DTL: variants seen among roughly 807,000 people sequenced by gnomAD.
The protein encoded by DTL is denticleless E3 ubiquitin protein ligase adapter, also known as denticleless protein homolog.
Under a neutral mutation model 87.0 loss-of-function variants are expected in DTL, and 46 were observed. The observed-to-expected ratio is 0.53, with a 90% CI of 0.42 to 0.68. DTL has a LOEUF of 0.68. Among genes scored for constraint, DTL ranks in the 30% least tolerant of loss-of-function variants. DTL has a pLI of 0.00. For synonymous variants in DTL, 308 were observed against 311.2 expected (o/e 0.99, Z 0.11); for missense variants, 737 against 869.4 (o/e 0.85, Z 1.91).
intron 11 of DTL, among the ~76,000 whole-genome samples, chr1:212,077,084 C>A (rs1018334840): frequency 6.6e-6 from 1 of 152,122 alleles, no homozygotes; most frequent in African/African-American, 2.4e-5. Context: ...GTCATTCTCA[C>A]AAATAATCAT....
chr1:212,098,549 G>A (rs763810974), intron 13 of DTL, among the ~76,000 whole-genome samples: 2 of 152,130 alleles, frequency 1.3e-5, no homozygotes, highest in East Asian at 1.9e-4. Context: ...GGGATAGTGT[G>A]TCTGAGCTCA....
At chr1:212,061,098 A>G (rs1033710859) in intron 5 of DTL, among the ~76,000 whole-genome samples, 1 of 152,228 alleles carries the variant, frequency 6.6e-6, no homozygotes, top group East Asian at 1.9e-4. Flanking sequence ...AACTGTCTCT[A>G]CAAAGAAATA....
intron 1 of DTL, 106 bp from the exon 2 acceptor site, chr1:212,042,887 G>A: frequency 3.7e-6 from 4 of 1,070,988 alleles, no homozygotes; most frequent in Non-Finnish European, 5.3e-6. Context: ...GTGGATCTAT[G>A]TTAATATCTA....
intron 13 of DTL, among the ~76,000 whole-genome samples, chr1:212,096,148 G>A (rs916576548): frequency 2.6e-5 from 4 of 152,038 alleles, no homozygotes; most frequent in East Asian, 1.9e-4. Context: ...TTTCTAGTTT[G>A]TGAGCACAAA....
intron 13 of DTL, among the ~76,000 whole-genome samples, chr1:212,086,894 T>G (rs1655146369): frequency 2.6e-5 from 4 of 152,400 alleles, no homozygotes; most frequent in South Asian, 4.1e-4. Context: ...TGTTAATGAC[T>G]ATACCATTTC....
chr1:212,077,872 A>AT (rs1199735541), intron 11 of DTL, among the ~76,000 whole-genome samples: 1 of 152,212 alleles, frequency 6.6e-6, no homozygotes, highest in Non-Finnish European at 1.5e-5. Context: ...CCAGTCTTGA[A>AT]TTTTAGTCAA....
intron 5 of DTL, chr1:212,051,383 C>CTGAAAA: frequency 2.0e-6 from 1 of 500,966 alleles, no homozygotes; most frequent in Admixed American, 4.3e-5. Flanking sequence ...TTTTCTTTAC[C>CTGAAAA]TGAAAATGTC....
intron 2 of DTL, among the ~76,000 whole-genome samples, chr1:212,044,109 A>G (rs1001216320): frequency 5.3e-5 from 8 of 152,192 alleles, no homozygotes; most frequent in Non-Finnish European, 8.8e-5. Context: ...AGACTATTAC[A>G]TAGTCATGAT....
rs191144926 is a variant in DTL at position 212,059,339 on chromosome 1, T to G, written c.461-3545T>G. 6.1e-4 allele frequency among the ~76,000 whole-genome samples: 93 copies of G among 151,566 alleles called. 1 individual carries two copies. The highest frequency in any genetic ancestry group is 2.2e-3 in the African/African-American group (91 of 41,350). ...ATACACCATGATCAAGTGGGATTTA[T>G]CCCAGGAATGCAAGAATAGCTCAAT... On this transcript the variant is annotated intron_variant, in intron 5 of 14. Coordinates refer to ENST00000366991, the MANE Select transcript of DTL (RefSeq NM_016448.4).
At position 212,091,099 on chromosome 1, in the gene DTL, T is replaced by C. The variant is rs574753990; in HGVS notation, c.1262-9153T>C. Among the ~76,000 whole-genome samples the C allele has an allele frequency of 5.3e-4, 80 of 152,322 alleles. 1 individual carries two copies. In the South Asian group the frequency reaches 0.016, roughly 31 times the overall value. Reference sequence around the variant, plus strand: ...GTATTAATGTGGGAAATGTTCACAATATATTAAGAAGCAGGTTATTCCTAA... The same window carrying C: ...GTATTAATGTGGGAAATGTTCACAACATATTAAGAAGCAGGTTATTCCTAA... On this transcript the variant is annotated intron_variant, in intron 13 of 14. Transcript: ENST00000366991.
intron 11 of DTL, among the ~76,000 whole-genome samples, chr1:212,074,159 T>G (rs1412355720): frequency 6.6e-6 from 1 of 151,662 alleles, no homozygotes. Flanking sequence ...TATATGTACA[T>G]AATTATGTAT....
intron 11 of DTL, among the ~76,000 whole-genome samples, chr1:212,074,231 TTATA>T (rs949598460): frequency 1.3e-5 from 2 of 151,286 alleles, no homozygotes; most frequent in Non-Finnish European, 2.9e-5. Flanking sequence ...AATTTTTAAA[TTATA>T]TATATACATA....
chr1:212,035,824 G>T lies in DTL; in HGVS notation c.-67G>T. ...TTGTGTTGTGAGAGGCGCAAGCTGC[G>T]ATTTCTGCTGAACTTGGAGGCATTT... is the stretch of plus-strand genomic sequence containing the variant. On this transcript the variant is annotated 5_prime_UTR_variant, in exon 1 of 15. Transcript: ENST00000366991. 1 of 1,512,692 alleles carries T rather than the reference G, an allele frequency of 6.6e-7. No individual in the cohort carries two copies. Among genetic ancestry groups the T allele is most frequent in the Non-Finnish European group, 9.2e-7 (1 of 1,089,370 alleles). 93.7% of individuals were successfully genotyped at this position (1,512,692 alleles called of 1,614,324 possible).
At chr1:212,047,024 G>T (rs1667827267) in intron 3 of DTL, 127 bp from the exon 4 acceptor site, 4 of 785,170 alleles carry the variant, frequency 5.1e-6, no homozygotes, top group African/African-American at 1.8e-5. Context: ...GTTTTGATTT[G>T]CATTTCTCTA....
intron 5 of DTL, among the ~76,000 whole-genome samples, chr1:212,050,837 C>T (rs1667949970): frequency 6.6e-6 from 1 of 152,102 alleles, no homozygotes; most frequent in Non-Finnish European, 1.5e-5. Flanking sequence ...ACATCTAGCC[C>T]TCTTCCTGAA....
chr1:212,089,052 C>T (rs2102576359), intron 13 of DTL, among the ~76,000 whole-genome samples: 1 of 152,356 alleles, frequency 6.6e-6, no homozygotes, highest in Non-Finnish European at 1.5e-5. Flanking sequence ...TGCCACTGCA[C>T]TCCAGCCTGG....
intron 5 of DTL, among the ~76,000 whole-genome samples, chr1:212,055,445 C>T (rs1668140477): frequency 6.6e-6 from 1 of 152,144 alleles, no homozygotes; most frequent in Non-Finnish European, 1.5e-5. Flanking sequence ...ATTTTCAGAG[C>T]CCAGCCCCCA....
intron 13 of DTL, among the ~76,000 whole-genome samples, chr1:212,088,861 C>A (rs538034018): frequency 6.6e-6 from 1 of 152,100 alleles, no homozygotes; most frequent in Non-Finnish European, 1.5e-5. Flanking sequence ...CCGAGGCAGG[C>A]GCATCACCTG....
intron 13 of DTL, among the ~76,000 whole-genome samples, chr1:212,089,571 T>C (rs1169241069): frequency 6.6e-6 from 1 of 152,224 alleles, no homozygotes; most frequent in Admixed American, 6.5e-5. Context: ...CCCTCTGTAC[T>C]GGTTGAATTT....
Sources: allele counts gnomAD v4.1 joint callset (sites outside exome capture counted in the v4.1 genomes callset), GRCh38; gene constraint gnomAD v4.1.1; transcripts MANE v1.5; gene names NCBI Gene and HGNC (gene_info 2026-07-23, HGNC 2026-07-21).